The following CTNND1 variants were observed in gnomAD, a reference collection of about 807,000 sequenced individuals.
CTNND1 encodes the protein catenin delta 1.
Under a neutral mutation model 112.1 loss-of-function variants are expected in CTNND1, and 16 were observed. The observed-to-expected ratio is 0.14, with a 90% CI of 0.10 to 0.22. The LOEUF (loss-of-function observed/expected upper bound fraction) is 0.22, where lower values mean the gene tolerates loss of function less well. Ranked by LOEUF, CTNND1 falls within the 10% of genes least tolerant of loss-of-function variation. The pLI is 1.00. For missense variants in CTNND1, 1,008 were observed against 1,257.0 expected (o/e 0.80, Z 3.00); for synonymous variants, 420 against 446.5 (o/e 0.94, Z 0.75).
At chr11:57,772,993 C>T (rs1953088135) in intron 1 of CTNND1, among the ~76,000 whole-genome samples, 1 of 152,204 alleles carries the variant, frequency 6.6e-6, no homozygotes, top group South Asian at 2.1e-4. Context: ...ATGCCCTCAA[C>T]CAAGAAACTT....
chr11:57,803,447 A>G (rs1433456566), intron 7 of CTNND1, among the ~76,000 whole-genome samples, 174 bp from the exon 8 acceptor site: 1 of 152,218 alleles, frequency 6.6e-6, no homozygotes, highest in Non-Finnish European at 1.5e-5. Flanking sequence ...ATTTTGAGCT[A>G]TAATGTAGAA....
intron 4 of CTNND1, 70 bp downstream of exon 4, chr11:57,794,151 A>C (rs1231196427): frequency 2.3e-5 from 33 of 1,405,194 alleles, no homozygotes; most frequent in Non-Finnish European, 2.6e-5. Context: ...ATAAGAGCAT[A>C]TTTGTGTCTT....
In CTNND1 at chr11:57,761,879, GAAAA is replaced by G. The variant is rs1164486569; in HGVS notation, c.-449_-446del. On this transcript the variant is annotated 5_prime_UTR_variant, in exon 1 of 21. Transcript: ENST00000399050. ...CATTTTAGGTGTTGGATCTGAGGGG[GAAAA>G]AAAAGAGAGAGGGAGAGAGAGAGAA... 1 of 984,394 alleles carries G rather than the reference GAAAA, an allele frequency of 1.0e-6. No homozygotes were observed. Among genetic ancestry groups the G allele is most frequent in the Non-Finnish European group, 1.2e-6 (1 of 829,724 alleles). The allele number at this position is 984,394 out of a possible 1,614,324, so 61.0% of individuals were successfully genotyped here. A position where few individuals can be genotyped will look rare whatever the true frequency, so the allele number is the denominator to read the frequency against.
intron 16 of CTNND1, 105 bp downstream of exon 16, chr11:57,810,328 A>T (rs2063181838): frequency 1.1e-5 from 8 of 742,962 alleles, no homozygotes; most frequent in East Asian, 1.1e-4. Flanking sequence ...TGCTAAACCT[A>T]TTTTTTTTTT....
At chr11:57,768,385 CCTTT>C (rs1951642021) in intron 1 of CTNND1, among the ~76,000 whole-genome samples, 1 of 115,184 alleles carries the variant, frequency 8.7e-6, no homozygotes, top group African/African-American at 3.1e-5. Flanking sequence ...TGGACATCAT[CCTTT>C]TTTTTTTTTT....
intron 17 of CTNND1, 22 bp from the exon 18 acceptor site, chr11:57,814,289 A>G (rs761503798): frequency 6.3e-7 from 1 of 1,590,356 alleles, no homozygotes; most frequent in Non-Finnish European, 8.6e-7. Context: ...TTTGACATGG[A>G]TAACTTTCTG....
intron 1 of CTNND1, among the ~76,000 whole-genome samples, chr11:57,787,720 T>C (rs2060281423): frequency 6.6e-6 from 1 of 152,228 alleles, no homozygotes; most frequent in Non-Finnish European, 1.5e-5. Flanking sequence ...TGGCCTCTGC[T>C]TCTGTCCTTT....
chr11:57,812,781 G>A (rs898688030), intron 17 of CTNND1, among the ~76,000 whole-genome samples: 1 of 152,100 alleles, frequency 6.6e-6, no homozygotes, highest in Non-Finnish European at 1.5e-5. Context: ...CAAGTGTTAG[G>A]ATTACATCCG....
intron 8 of CTNND1, among the ~76,000 whole-genome samples, 164 bp from the exon 9 acceptor site, chr11:57,804,499 G>T (rs1323344489): frequency 6.6e-6 from 1 of 151,994 alleles, no homozygotes; most frequent in Non-Finnish European, 1.5e-5. Context: ...CAGAAGGCAG[G>T]GACTGTTAAT....
chr11:57,805,404 C>T (rs552466695), intron 9 of CTNND1, among the ~76,000 whole-genome samples: 40 of 151,782 alleles, frequency 2.6e-4, no homozygotes, highest in Admixed American at 4.6e-4. Context: ...CCACCATGCC[C>T]GGCTAATTTT....
At chr11:57,814,442 T>TCC in intron 18 of CTNND1, 69 bp downstream of exon 18, 1 of 1,243,830 alleles carries the variant, frequency 8.0e-7, no homozygotes, top group Non-Finnish European at 1.2e-6. Context: ...TGTCTAGCTC[T>TCC]ATAGTTTTTT....
chr11:57,808,534 T>A lies in CTNND1; in HGVS notation c.2236T>A (p.Leu746Ile). 1.9e-6 allele frequency: 3 copies of A among 1,598,364 alleles called. No homozygotes were observed. The highest frequency in any genetic ancestry group is 2.6e-6 in the Non-Finnish European group (3 of 1,174,092). Residue 746 changes from leucine (L) to isoleucine (I), a missense_variant, in exon 14 of 21, where the codon TTA (leucine) becomes ATA (isoleucine). Leu to Ile is a conservative substitution (Grantham distance 5). Transcript: ENST00000399050. ...NLAVDARNKE[L>I]IGKHAIPNLV... ...GGCTGTGGATGCTCGCAACAAAGAA[T>A]TAATTGGTGAGGAGTTGAATGCTAA...
intron 1 of CTNND1, among the ~76,000 whole-genome samples, chr11:57,768,388 T>A (rs1951649742): frequency 5.8e-4 from 1 of 1,716 alleles, no homozygotes; most frequent in Admixed American, 0.021. Flanking sequence ...ACATCATCCT[T>A]TTTTTTTTTT....
chr11:57,768,791 A>C (rs1382076937), intron 1 of CTNND1, among the ~76,000 whole-genome samples: 4 of 152,152 alleles, frequency 2.6e-5, no homozygotes, highest in Non-Finnish European at 5.9e-5. Flanking sequence ...CTAAGAAAGG[A>C]GTCAGCTTTT....
intron 1 of CTNND1, among the ~76,000 whole-genome samples, chr11:57,786,258 C>T (rs2060121690): frequency 6.7e-6 from 1 of 148,704 alleles, no homozygotes; most frequent in Admixed American, 6.8e-5. Context: ...TGGAGGCCGG[C>T]TGCCGTGGCT....
chr11:57,777,953 A>G (rs1035398845), intron 1 of CTNND1, among the ~76,000 whole-genome samples: 1 of 152,208 alleles, frequency 6.6e-6, no homozygotes, highest in African/African-American at 2.4e-5. Context: ...TGTATCATTT[A>G]TCTCATTCTT....
intron 5 of CTNND1, among the ~76,000 whole-genome samples, chr11:57,796,081 G>A (rs907493928): frequency 1.5e-4 from 23 of 152,102 alleles, no homozygotes; most frequent in African/African-American, 5.6e-4. Flanking sequence ...TTCTTTTGGA[G>A]TGGTATAGAA....
At position 57,804,581 on chromosome 11, in the gene CTNND1, C is replaced by G. The variant is rs1456338336; in HGVS notation, c.1605-82C>G. 7 of 1,016,468 alleles carry G rather than the reference C, an allele frequency of 6.9e-6. No individual in the cohort carries two copies. The East Asian group carries it at 1.8e-4, about 26-fold the overall frequency. The allele number at this position is 1,016,468 out of a possible 1,614,324, so 63.0% of individuals were successfully genotyped here. A position where few individuals can be genotyped will look rare whatever the true frequency, so the allele number is the denominator to read the frequency against. ...ATTACAGTGAGTAGAAAAACATATT[C>G]AGGAATCTTGTAGGTGTTGAGGGAT... On this transcript the variant is annotated intron_variant, in intron 8 of 20. Transcript: ENST00000399050.
At chr11:57,807,412 C>T (rs953947052) in intron 12 of CTNND1, among the ~76,000 whole-genome samples, 1 of 152,058 alleles carries the variant, frequency 6.6e-6, no homozygotes, top group East Asian at 1.9e-4. Context: ...TTGAGACCAG[C>T]CTGGCCAACA....
Sources: gnomAD v4.1 joint callset for allele counts (sites outside exome capture counted in the v4.1 genomes callset) on GRCh38, gnomAD v4.1.1 for gene constraint, MANE v1.5 for transcripts, NCBI Gene and HGNC (gene_info 2026-07-23, HGNC 2026-07-21) for gene names.